VMP1: variants seen among roughly 807,000 people sequenced by gnomAD.
The protein encoded by VMP1 is ectopic P-granules autophagy protein 3 homolog.
A neutral mutation model predicts 56.0 loss-of-function variants in VMP1; 11 were observed. The observed-to-expected ratio is 0.20, with a 90% confidence interval of 0.12 to 0.32. The LOEUF (loss-of-function observed/expected upper bound fraction) is 0.32, where lower values mean the gene tolerates loss of function less well. Ranked by LOEUF, VMP1 falls within the 10% of genes least tolerant of loss-of-function variation. The pLI, the probability that VMP1 is intolerant of heterozygous loss-of-function variation, is 1.00. For missense variants in VMP1, 296 were observed against 490.3 expected (o/e 0.60, Z 3.74); for synonymous variants, 149 against 165.0 (o/e 0.90, Z 0.74).
At chr17:59,823,471 C>T (rs561196823) in intron 10 of VMP1, among the ~76,000 whole-genome samples, 32 of 147,404 alleles carry the variant, frequency 2.2e-4, no homozygotes, top group South Asian at 2.2e-3. Flanking sequence ...AAAATCGGGC[C>T]GGGGGCAGTG....
intron 1 of VMP1, among the ~76,000 whole-genome samples, chr17:59,714,670 A>G (rs6503937): frequency 0.86 from 130,086 of 151,176 alleles, 56,091 homozygotes; most frequent in East Asian, 0.96. Flanking sequence ...GGGGCGGTGC[A>G]GGGAGAGGGC....
intron 1 of VMP1, among the ~76,000 whole-genome samples, chr17:59,716,705 C>A (rs2034165333): frequency 6.6e-6 from 1 of 152,144 alleles, no homozygotes; most frequent in African/African-American, 2.4e-5. Context: ...GTTTGTTAAC[C>A]TATTTTTAAA....
chr17:59,760,998 G>A (rs2036032951), intron 5 of VMP1, among the ~76,000 whole-genome samples: 1 of 151,420 alleles, frequency 6.6e-6, no homozygotes, highest in South Asian at 2.1e-4. Context: ...TGCCTCCTGG[G>A]TTCAAGCGAT....
chr17:59,739,024 A>C (rs975779463), intron 5 of VMP1, 77 bp downstream of exon 5: 13 of 1,191,280 alleles, frequency 1.1e-5, no homozygotes, highest in Non-Finnish European at 1.4e-5. Context: ...CAGAAGTAAA[A>C]ATTCTAAGAT....
At chr17:59,828,415 A>AGAAAG (rs2038709822) in intron 10 of VMP1, among the ~76,000 whole-genome samples, 1 of 152,232 alleles carries the variant, frequency 6.6e-6, no homozygotes, top group African/African-American at 2.4e-5. Flanking sequence ...ATACACCTGG[A>AGAAAG]GAAAGCATGG....
intron 7 of VMP1, among the ~76,000 whole-genome samples, chr17:59,800,013 ATTAC>A (rs1245899541): frequency 1.3e-5 from 2 of 151,968 alleles, no homozygotes; most frequent in Admixed American, 6.6e-5. Context: ...AATATAAGCA[ATTAC>A]TTTAGTGATA....
intron 3 of VMP1, among the ~76,000 whole-genome samples, chr17:59,735,981 T>C (rs538928858): frequency 5.3e-5 from 8 of 152,254 alleles, no homozygotes; most frequent in Non-Finnish European, 7.3e-5. Flanking sequence ...TCTTCTGGCA[T>C]GCCCTTCCAA....
chr17:59,821,579 C>G (rs2038455072), intron 10 of VMP1, among the ~76,000 whole-genome samples: 1 of 130,734 alleles, frequency 7.6e-6, no homozygotes, highest in Non-Finnish European at 1.5e-5. Context: ...GAGTTTCACT[C>G]TCGTTGCCCA....
chr17:59,833,294 A>G (rs1225730992), intron 10 of VMP1, among the ~76,000 whole-genome samples: 1 of 152,114 alleles, frequency 6.6e-6, no homozygotes, highest in Non-Finnish European at 1.5e-5. Context: ...AGCTTTAGTG[A>G]TAATTAAGCA....
chr17:59,716,084 TATTC>T (rs1288123943), intron 1 of VMP1, among the ~76,000 whole-genome samples: 13 of 152,308 alleles, frequency 8.5e-5, no homozygotes, highest in African/African-American at 3.1e-4. Context: ...TTTCTTAGCT[TATTC>T]ATAAGTGTGG....
chr17:59,812,976 T>C (rs2038104285), intron 9 of VMP1, among the ~76,000 whole-genome samples: 1 of 152,106 alleles, frequency 6.6e-6, no homozygotes, highest in Non-Finnish European at 1.5e-5. Flanking sequence ...CTTGTATGAT[T>C]CCATGATAAT....
Position 59,710,403 on chromosome 17 carries a change from C to A in VMP1, c.-27+2655C>A, listed in dbSNP as rs78211327. Among the ~76,000 whole-genome samples the A allele has an allele frequency of 4.5e-3, 680 of 152,252 alleles. 4 individuals carry two copies. The highest frequency in any genetic ancestry group is 0.016 in the African/African-American group (653 of 41,544). ...TAAGGTCTCAAGTGTTCTTTCTGTT[C>A]TAACAAGGTTGTATCCAGGCATCTT... is the stretch of plus-strand genomic sequence containing the variant. On this transcript the variant is annotated intron_variant, in intron 1 of 11. Coordinates refer to ENST00000262291, the MANE Select transcript of VMP1 (RefSeq NM_030938.5).
At chr17:59,816,062 A>G (rs2038221140) in intron 9 of VMP1, among the ~76,000 whole-genome samples, 1 of 151,944 alleles carries the variant, frequency 6.6e-6, no homozygotes, top group Non-Finnish European at 1.5e-5. Flanking sequence ...TAGAATTCCC[A>G]CTCAGACCTC....
At chr17:59,823,476 G>T (rs986256050) in intron 10 of VMP1, among the ~76,000 whole-genome samples, 1 of 149,506 alleles carries the variant, frequency 6.7e-6, no homozygotes, top group African/African-American at 2.5e-5. Flanking sequence ...CGGGCCGGGG[G>T]CAGTGGCTCA....
chr17:59,742,291 T>C, intron 5 of VMP1, among the ~76,000 whole-genome samples: 1 of 152,078 alleles, frequency 6.6e-6, no homozygotes, highest in Non-Finnish European at 1.5e-5. Context: ...GAGGATCGCT[T>C]GAGACCACAG....
intron 7 of VMP1, among the ~76,000 whole-genome samples, chr17:59,779,707 C>A (rs1035155804): frequency 4.6e-5 from 7 of 152,118 alleles, no homozygotes; most frequent in African/African-American, 1.7e-4. Context: ...TAAGAAAAGT[C>A]ATTCGTATTG....
intron 10 of VMP1, among the ~76,000 whole-genome samples, chr17:59,831,940 C>T (rs563021744): frequency 2.0e-5 from 3 of 151,928 alleles, no homozygotes; most frequent in Non-Finnish European, 4.4e-5. Flanking sequence ...TATTCACAGG[C>T]GTGATTATAG....
At chr17:59,788,954 T>C (rs1394533444) in intron 7 of VMP1, among the ~76,000 whole-genome samples, 3 of 151,766 alleles carry the variant, frequency 2.0e-5, no homozygotes, top group Admixed American at 1.3e-4. Context: ...TTTTTTTTTT[T>C]CAGGTTTGTG....
At chr17:59,757,941 C>T (rs1416116827) in intron 5 of VMP1, among the ~76,000 whole-genome samples, 1 of 130,696 alleles carries the variant, frequency 7.7e-6, no homozygotes, top group Non-Finnish European at 1.6e-5. Flanking sequence ...CAACCTTGAA[C>T]TCCCAGGCTC....
Sources: gnomAD v4.1 joint callset for allele counts (sites outside exome capture counted in the v4.1 genomes callset) on GRCh38, gnomAD v4.1.1 for gene constraint, MANE v1.5 for transcripts, NCBI Gene and HGNC (gene_info 2026-07-23, HGNC 2026-07-21) for gene names.